TP63: variants seen among roughly 807,000 people sequenced by gnomAD.
TP63 encodes the protein tumor protein 63.
Under a neutral mutation model 82.8 loss-of-function variants are expected in TP63, and 17 were observed. That is an observed-to-expected ratio of 0.21 (90% CI 0.14 to 0.31). The LOEUF is 0.31. Ranked by LOEUF, TP63 falls within the 10% of genes least tolerant of loss-of-function variation. The probability of loss-of-function intolerance (pLI) is 1.00; values close to 1 mark genes in which losing one functional copy is unlikely to be tolerated. For missense variants in TP63, 648 were observed against 895.3 expected (o/e 0.72, Z 3.52); for synonymous variants, 330 against 321.7 (o/e 1.03, Z -0.28).
At chr3:189,648,464 A>G (rs1712607084) in intron 1 of TP63, among the ~76,000 whole-genome samples, 1 of 147,338 alleles carries the variant, frequency 6.8e-6, no homozygotes, top group African/African-American at 2.5e-5. Flanking sequence ...GTGCTCAGTC[A>G]ATAACTACTG....
In TP63 at chr3:189,878,357, A is replaced by G. The variant is rs930644641; in HGVS notation, c.1349+5362A>G. Among the ~76,000 whole-genome samples the G allele has an allele frequency of 6.3e-5, 9 of 143,570 alleles. 1 individual carries two copies. The highest frequency in any genetic ancestry group is 4.9e-4 in the Admixed American group (7 of 14,428). 94.2% of individuals were successfully genotyped at this position (143,570 alleles called of 152,430 possible). On this transcript the variant is annotated intron_variant, in intron 10 of 13. Transcript: ENST00000264731. ...CATATGATTCACCCTTATAGTTATT[A>G]TGGAACTACACAAGCTTTTACAGTT...
rs1473049138 is a variant in TP63 at position 189,764,613 on chromosome 3, CTT to C, written c.324+25842_324+25843del. ...AGTGATGTAAGCTTAATTCTAGTCTCTTTTGTCTACTAAAGTTATCCATTGTG... is the reference window on the plus strand; with the variant it reads ...AGTGATGTAAGCTTAATTCTAGTCTCTTGTCTACTAAAGTTATCCATTGTG... On this transcript the variant is annotated intron_variant, in intron 3 of 13. Coordinates refer to ENST00000264731, the MANE Select transcript of TP63 (RefSeq NM_003722.5). Among the ~76,000 whole-genome samples the C allele has an allele frequency of 5.9e-5, 9 of 152,268 alleles. No individual in the cohort carries two copies. The East Asian group carries it at 1.7e-3, about 29-fold the overall frequency.
Position 189,808,487 on chromosome 3 carries a change from C to T in TP63, c.540C>T (p.Ser180=). Residue 180 remains serine (S), a synonymous_variant, in exon 4 of 14, where the codon TCC becomes TCT. Coordinates refer to ENST00000264731, the MANE Select transcript of TP63 (RefSeq NM_003722.5). The part of the protein sequence containing the change: ...DYPGPHSFDV[S]FQQSSTAKSA... Reference sequence around the variant, plus strand: ...CAGGCCCGCACAGTTTCGACGTGTCCTTCCAGCAGTCGAGCACCGCCAAGT... The same window carrying T: ...CAGGCCCGCACAGTTTCGACGTGTCTTTCCAGCAGTCGAGCACCGCCAAGT... 6.2e-7 allele frequency: 1 copy of T among 1,614,226 alleles called. No homozygotes were observed. Among genetic ancestry groups the T allele is most frequent in the East Asian group, 2.2e-5 (1 of 44,892 alleles).
intron 1 of TP63, among the ~76,000 whole-genome samples, chr3:189,683,451 C>T (rs913451908): frequency 6.6e-6 from 1 of 152,174 alleles, no homozygotes; most frequent in African/African-American, 2.4e-5. Flanking sequence ...TAATTTATAA[C>T]ATATGCTTAA....
At chr3:189,875,184 A>T (rs1718897860) in intron 10 of TP63, among the ~76,000 whole-genome samples, 1 of 151,940 alleles carries the variant, frequency 6.6e-6, no homozygotes, top group African/African-American at 2.4e-5. Context: ...CTGTTCCATA[A>T]ATGGAACTTT....
chr3:189,844,421 G>A (rs978296708), intron 4 of TP63: 8 of 324,824 alleles, frequency 2.5e-5, no homozygotes, highest in Middle Eastern at 1.1e-3. Flanking sequence ...AAGTAGGTGG[G>A]ATTACAGACA....
At chr3:189,879,204 A>G (rs528297762) in intron 10 of TP63, among the ~76,000 whole-genome samples, 1 of 152,352 alleles carries the variant, frequency 6.6e-6, no homozygotes, top group African/African-American at 2.4e-5. Flanking sequence ...GAATCCTAGC[A>G]TTAAGCAAAT....
chr3:189,642,304 A>C (rs1361470544), intron 1 of TP63, among the ~76,000 whole-genome samples: 1 of 152,212 alleles, frequency 6.6e-6, no homozygotes, highest in Non-Finnish European at 1.5e-5. Flanking sequence ...CAAAATGAAA[A>C]TGAGATATGA....
chr3:189,686,715 G>A (rs375077539), intron 1 of TP63, among the ~76,000 whole-genome samples: 1 of 147,110 alleles, frequency 6.8e-6, no homozygotes, highest in African/African-American at 2.5e-5. Context: ...CTCAGGGGGT[G>A]GGGGGCAGGG....
At chr3:189,810,067 G>A (rs1300111378) in intron 4 of TP63, among the ~76,000 whole-genome samples, 1 of 152,010 alleles carries the variant, frequency 6.6e-6, no homozygotes. Flanking sequence ...ATTCTCCGGT[G>A]GCTCATATTT....
At chr3:189,880,460 G>GT in intron 10 of TP63, 1 of 1,054,086 alleles carries the variant, frequency 9.5e-7, no homozygotes, top group South Asian at 4.5e-5. Context: ...GCTTTCTGTT[G>GT]TTTCCTGGGA....
At chr3:189,803,047 C>A (rs972065433) in intron 3 of TP63, among the ~76,000 whole-genome samples, 1 of 152,034 alleles carries the variant, frequency 6.6e-6, no homozygotes, top group Non-Finnish European at 1.5e-5. Context: ...ACCTTTAATC[C>A]CAACACTTTG....
chr3:189,607,132 T>A, the TP63 span, among the ~76,000 whole-genome samples: 4 of 50,398 alleles, frequency 7.9e-5, no homozygotes, highest in African/African-American at 2.1e-4. Context: ...TATCATGAAA[T>A]GTAAGGAAAG....
intron 3 of TP63, among the ~76,000 whole-genome samples, chr3:189,807,024 C>A (rs1726989233): frequency 6.6e-6 from 1 of 152,196 alleles, no homozygotes; most frequent in Non-Finnish European, 1.5e-5. Flanking sequence ...AAGAGCTAGG[C>A]CTATTTCCTT....
At chr3:189,776,895 A>G (rs971389023) in intron 3 of TP63, among the ~76,000 whole-genome samples, 1 of 152,342 alleles carries the variant, frequency 6.6e-6, no homozygotes, top group Non-Finnish European at 1.5e-5. Flanking sequence ...GACAGTTCCC[A>G]AAATTCTAGG....
At chr3:189,848,370 C>T (rs1183118538) in intron 4 of TP63, among the ~76,000 whole-genome samples, 1 of 145,066 alleles carries the variant, frequency 6.9e-6, no homozygotes, top group Non-Finnish European at 1.5e-5. Flanking sequence ...TACAGATGCC[C>T]CCATACCTGG....
At chr3:189,774,213 C>T (rs1434423876) in intron 3 of TP63, among the ~76,000 whole-genome samples, 4 of 151,860 alleles carry the variant, frequency 2.6e-5, no homozygotes, top group African/African-American at 2.4e-5. Context: ...TGAGCCACCA[C>T]GCCCGGCCGT....
chr3:189,630,978 C>T (rs1345019810), upstream of TP63, among the ~76,000 whole-genome samples: 1 of 152,162 alleles, frequency 6.6e-6, no homozygotes, highest in Non-Finnish European at 1.5e-5. Context: ...CTCTACAAAA[C>T]ATTTTAGCCC....
At chr3:189,687,014 C>T (rs1045503587) in intron 1 of TP63, among the ~76,000 whole-genome samples, 1 of 152,044 alleles carries the variant, frequency 6.6e-6, no homozygotes, top group Non-Finnish European at 1.5e-5. Flanking sequence ...CAGGTGTGAG[C>T]CACCGCGCCT....
Sources: gnomAD v4.1 joint callset for allele counts (sites outside exome capture counted in the v4.1 genomes callset) on GRCh38, gnomAD v4.1.1 for gene constraint, MANE v1.5 for transcripts, NCBI Gene and HGNC (gene_info 2026-07-23, HGNC 2026-07-21) for gene names.